Variants in ADARB2 observed in about 807,000 individuals in gnomAD.
ADARB2 encodes the protein adenosine deaminase RNA specific B2 (inactive).
A neutral mutation model predicts 62.2 loss-of-function variants in ADARB2; 25 were observed. The observed-to-expected ratio is 0.40, with a 90% CI of 0.29 to 0.56. The LOEUF (loss-of-function observed/expected upper bound fraction) is 0.56, where lower values mean the gene tolerates loss of function less well. ADARB2 is among the 20% of genes least tolerant of loss of function. The pLI is 0.43. For synonymous variants in ADARB2, 572 were observed against 500.8 expected (o/e 1.14, Z -1.90); for missense variants, 1,071 against 1,077.4 (o/e 0.99, Z 0.08).
At chr10:1,333,798 G>C (rs1278404807) in intron 3 of ADARB2, among the ~76,000 whole-genome samples, 1 of 152,138 alleles carries the variant, frequency 6.6e-6, no homozygotes, top group Non-Finnish European at 1.5e-5. Context: ...TGTGCCCTCG[G>C]TTCATCCAAC....
intron 1 of ADARB2, among the ~76,000 whole-genome samples, chr10:1,549,820 G>C (rs568588966): frequency 6.6e-6 from 1 of 152,198 alleles, no homozygotes; most frequent in East Asian, 1.9e-4. Flanking sequence ...CTTCCTTCCA[G>C]CCAACTGCGA....
At chr10:1,688,597 G>GC (rs1047770035) in intron 1 of ADARB2, among the ~76,000 whole-genome samples, 5 of 151,914 alleles carry the variant, frequency 3.3e-5, no homozygotes, top group African/African-American at 7.3e-5. Context: ...GTCCCTCCCC[G>GC]CCCCCCGCCT....
intron 1 of ADARB2, among the ~76,000 whole-genome samples, chr10:1,413,047 C>G (rs1260167624): frequency 2.0e-5 from 3 of 152,164 alleles, no homozygotes; most frequent in Non-Finnish European, 4.4e-5. Flanking sequence ...GGCATGGCTG[C>G]TTCTCAGCAG....
intron 1 of ADARB2, among the ~76,000 whole-genome samples, chr10:1,463,525 A>T (rs1319690053): frequency 6.6e-6 from 1 of 152,242 alleles, no homozygotes; most frequent in Non-Finnish European, 1.5e-5. Context: ...TCAGAATGAG[A>T]GTCTATTTAC....
chr10:1,538,702 TC>T (rs1832366101), intron 1 of ADARB2, among the ~76,000 whole-genome samples: 1 of 152,180 alleles, frequency 6.6e-6, no homozygotes, highest in Non-Finnish European at 1.5e-5. Context: ...GCCGAGGGGC[TC>T]GAGGTCCTTT....
chr10:1,304,572 A>AT (rs1396813871), intron 3 of ADARB2, among the ~76,000 whole-genome samples: 3 of 152,010 alleles, frequency 2.0e-5, no homozygotes, highest in Non-Finnish European at 4.4e-5. Context: ...CAGAATATAC[A>AT]TTTTTTTTCA....
At chr10:1,322,497 A>G (rs183617330) in intron 3 of ADARB2, among the ~76,000 whole-genome samples, 38 of 152,320 alleles carry the variant, frequency 2.5e-4, no homozygotes, top group African/African-American at 8.9e-4. Flanking sequence ...GAGATTTACC[A>G]GATTGGAGAA....
At chr10:1,263,297 G>A (rs958575551) in intron 4 of ADARB2, among the ~76,000 whole-genome samples, 1 of 152,068 alleles carries the variant, frequency 6.6e-6, no homozygotes, top group African/African-American at 2.4e-5. Flanking sequence ...TAATAATAAA[G>A]AATATTTTAG....
At chr10:1,474,859 G>A (rs1160596840) in intron 1 of ADARB2, among the ~76,000 whole-genome samples, 1 of 152,206 alleles carries the variant, frequency 6.6e-6, no homozygotes, top group East Asian at 1.9e-4. Flanking sequence ...GCTTCAGAAA[G>A]GCAAGGATGC....
At chr10:1,600,373 G>T (rs1438097153) in intron 1 of ADARB2, among the ~76,000 whole-genome samples, 2 of 152,000 alleles carry the variant, frequency 1.3e-5, no homozygotes, top group African/African-American at 2.4e-5. Flanking sequence ...TAAGATTCAA[G>T]CAGGAGGCCG....
intron 1 of ADARB2, among the ~76,000 whole-genome samples, chr10:1,464,771 C>T (rs1430857608): frequency 3.7e-5 from 5 of 135,782 alleles, no homozygotes; most frequent in Admixed American, 7.4e-5. Context: ...CAGCGGGCAG[C>T]GTGCTGGAGA....
At chr10:1,435,912 T>C (rs4880508) in intron 1 of ADARB2, among the ~76,000 whole-genome samples, 22,538 of 152,170 alleles carry the variant, frequency 0.15, 1,767 homozygotes, top group East Asian at 0.31. Flanking sequence ...TATGATAAAA[T>C]TGCTTTGCTA....
chr10:1,191,058 C>G (rs1836836369), intron 8 of ADARB2, among the ~76,000 whole-genome samples: 1 of 150,732 alleles, frequency 6.6e-6, no homozygotes, highest in African/African-American at 2.5e-5. Flanking sequence ...ACTCTGGGCC[C>G]CACACTGAGT....
intron 1 of ADARB2, among the ~76,000 whole-genome samples, chr10:1,660,270 G>A (rs1291679684): frequency 6.6e-6 from 1 of 152,238 alleles, no homozygotes; most frequent in Non-Finnish European, 1.5e-5. Context: ...TTCTGCAGGT[G>A]CACTAACAGC....
intron 1 of ADARB2, among the ~76,000 whole-genome samples, chr10:1,707,918 TA>T (rs1834909849): frequency 6.6e-6 from 1 of 152,170 alleles, no homozygotes; most frequent in Non-Finnish European, 1.5e-5. Context: ...CAGGGGGCTC[TA>T]AAAAGAGTTT....
intron 6 of ADARB2, among the ~76,000 whole-genome samples, chr10:1,217,701 C>T (rs557209594): frequency 3.3e-5 from 5 of 152,264 alleles, no homozygotes; most frequent in East Asian, 1.9e-4. Flanking sequence ...CACTGTGACC[C>T]GGTTACTTCC....
intron 1 of ADARB2, among the ~76,000 whole-genome samples, chr10:1,441,361 A>G (rs1348323421): frequency 6.6e-6 from 1 of 152,246 alleles, no homozygotes; most frequent in East Asian, 1.9e-4. Flanking sequence ...AAGCTTTCTA[A>G]CATCTGAAAG....
chr10:1,395,630 C>CA (rs1832605459), intron 1 of ADARB2, among the ~76,000 whole-genome samples: 1 of 152,240 alleles, frequency 6.6e-6, no homozygotes, highest in Non-Finnish European at 1.5e-5. Context: ...TGAGACTCTT[C>CA]TGAGTGCTGG....
intron 1 of ADARB2, among the ~76,000 whole-genome samples, chr10:1,479,197 G>A (rs1588272533): frequency 1.3e-5 from 2 of 152,296 alleles, no homozygotes; most frequent in East Asian, 3.9e-4. Context: ...CAGGAGTTAG[G>A]CTGAAGGCTG....
Sources: allele counts gnomAD v4.1 joint callset (sites outside exome capture counted in the v4.1 genomes callset), GRCh38; gene constraint gnomAD v4.1.1; transcripts MANE v1.5; gene names NCBI Gene and HGNC (gene_info 2026-07-23, HGNC 2026-07-21).